The following BTBD3 variants were observed in gnomAD, a reference collection of about 807,000 sequenced individuals.
BTBD3 encodes the protein BTB/POZ domain-containing protein 3.
A neutral mutation model predicts 41.6 loss-of-function variants in BTBD3; 14 were observed. The ratio of observed to expected loss-of-function variants is 0.34; its 90% confidence interval spans 0.22 to 0.53. The LOEUF (loss-of-function observed/expected upper bound fraction) is 0.53. BTBD3 is among the 20% of genes least tolerant of loss of function. BTBD3 has a pLI of 0.95. For missense variants in BTBD3, 426 were observed against 654.7 expected, an observed-to-expected ratio of 0.65 and a Z score of 3.81; for synonymous variants, 249 against 233.7, an observed-to-expected ratio of 1.07 and a Z score of -0.60.
intron 1 of BTBD3, among the ~76,000 whole-genome samples, chr20:11,899,551 T>C (rs1421944058): frequency 6.6e-6 from 1 of 152,156 alleles, no homozygotes. Context: ...TCTTTTCTTT[T>C]CTTTTTTTTT....
chr20:11,897,405 G>T (rs567159926), intron 1 of BTBD3, among the ~76,000 whole-genome samples: 1 of 140,960 alleles, frequency 7.1e-6, no homozygotes, highest in African/African-American at 2.6e-5. Flanking sequence ...AAAAGTAATT[G>T]TGGTTTTTTG....
intron 1 of BTBD3, among the ~76,000 whole-genome samples, chr20:11,902,439 A>G (rs1275647967): frequency 6.6e-6 from 1 of 152,186 alleles, no homozygotes; most frequent in Non-Finnish European, 1.5e-5. Flanking sequence ...CACTTCTAGC[A>G]TCACTAATGG....
chr20:11,910,821 T>G (rs2056884709), intron 1 of BTBD3, among the ~76,000 whole-genome samples: 1 of 152,234 alleles, frequency 6.6e-6, no homozygotes, highest in South Asian at 2.1e-4. Context: ...GCTGGAACTC[T>G]TACCAGTCCT....
At chr20:11,892,806 A>C (rs2056763820) in intron 1 of BTBD3, among the ~76,000 whole-genome samples, 1 of 152,142 alleles carries the variant, frequency 6.6e-6, no homozygotes, top group South Asian at 2.1e-4. Flanking sequence ...CCTAAGTTAT[A>C]TCTTATATTT....
upstream of BTBD3, among the ~76,000 whole-genome samples, chr20:11,916,690 T>G (rs917793044): frequency 2.0e-5 from 3 of 152,222 alleles, no homozygotes; most frequent in Non-Finnish European, 4.4e-5. Context: ...TGCTGAGCCC[T>G]CACTGTGTCA....
chr20:11,923,748 T>A lies in BTBD3; in HGVS notation c.*82T>A. On this transcript the variant is annotated 3_prime_UTR_variant, in exon 4 of 4. Coordinates refer to ENST00000378226, the MANE Select transcript of BTBD3 (RefSeq NM_014962.4). The surrounding 1 kb of genome is among the most constrained non-coding windows in gnomAD (Gnocchi z 5.3). ...CTGATGCTTAGCTCATCTGCAAATA[T>A]GTGATCAGTGCCGGTAATTTGTAAT... 1 of 1,289,654 alleles carries A rather than the reference T, an allele frequency of 7.8e-7. No individual in the cohort carries two copies. The highest frequency in any genetic ancestry group is 1.1e-6 in the Non-Finnish European group (1 of 931,094). The allele number at this position is 1,289,654 out of a possible 1,614,324, so 79.9% of individuals were successfully genotyped here.
chr20:11,906,381 A>C (rs2056855140), intron 1 of BTBD3, among the ~76,000 whole-genome samples: 1 of 146,406 alleles, frequency 6.8e-6, no homozygotes, highest in African/African-American at 2.5e-5. Context: ...CTCCTGCCTC[A>C]GCCTCTCAAG....
In BTBD3 at chr20:11,924,746, T is replaced by C. The variant is rs1385435794; in HGVS notation, c.*1080T>C. The C allele has an allele frequency of 6.6e-6, 1 of 152,644 alleles. No homozygotes were observed. The highest frequency in any genetic ancestry group is 1.5e-5 in the Non-Finnish European group (1 of 68,038). The allele number at this position is 152,644 out of a possible 1,614,324, so 9.5% of individuals were successfully genotyped here. On this transcript the variant is annotated 3_prime_UTR_variant, in exon 4 of 4. Transcript: ENST00000378226. ...GAAATATACTTTACCTGATCCACTT[T>C]GATTGTATACTATATTCTTTGTTAA...
chr20:11,908,294 CTA>C (rs1223353197), intron 1 of BTBD3, among the ~76,000 whole-genome samples: 1 of 126,322 alleles, frequency 7.9e-6, no homozygotes, highest in African/African-American at 3.0e-5. Context: ...TCTCTGTTAA[CTA>C]TGGTGGAGTG....
At chr20:11,915,203 CATT>C (rs1568613647), upstream of BTBD3, among the ~76,000 whole-genome samples, 1 of 152,182 alleles carries the variant, frequency 6.6e-6, no homozygotes, top group African/African-American at 2.4e-5. Context: ...TCATCACTGT[CATT>C]ATCTTTTAAA....
chr20:11,897,628 C>T (rs954684904), intron 1 of BTBD3, among the ~76,000 whole-genome samples: 8 of 152,184 alleles, frequency 5.3e-5, no homozygotes, highest in East Asian at 3.9e-4. Flanking sequence ...TTTTCCCATC[C>T]GTACTACCAG....
chr20:11,901,958 A>T (rs1299590219), intron 1 of BTBD3, among the ~76,000 whole-genome samples: 1 of 152,208 alleles, frequency 6.6e-6, no homozygotes, highest in Non-Finnish European at 1.5e-5. Context: ...AAGAGTGAAG[A>T]TGGGAAGGTG....
At chr20:11,919,473 CTAT>C in intron 2 of BTBD3, 3 of 1,370,556 alleles carry the variant, frequency 2.2e-6, no homozygotes, top group East Asian at 2.5e-5. Context: ...GTTATGTAAG[CTAT>C]TATTGTATGT....
At chr20:11,905,702 A>G (rs2056849061) in intron 1 of BTBD3, among the ~76,000 whole-genome samples, 1 of 152,154 alleles carries the variant, frequency 6.6e-6, no homozygotes, top group Admixed American at 6.5e-5. Context: ...TGGCTTAGAA[A>G]CCAGCAGCAT....
intron 1 of BTBD3, among the ~76,000 whole-genome samples, chr20:11,905,098 C>T (rs912344669): frequency 2.0e-5 from 3 of 152,218 alleles, no homozygotes; most frequent in Non-Finnish European, 4.4e-5. Flanking sequence ...CTGTCAGGCT[C>T]ATGGTGGTGT....
intron 1 of BTBD3, among the ~76,000 whole-genome samples, chr20:11,893,627 A>T (rs1327594489): frequency 6.6e-6 from 1 of 152,212 alleles, no homozygotes; most frequent in African/African-American, 2.4e-5. Flanking sequence ...TCCTTTGTTT[A>T]TTCAAATTAA....
chr20:11,918,544 A>G lies in BTBD3; in HGVS notation c.269A>G (p.Asn90Ser). 1 of 1,613,984 alleles carries G rather than the reference A, an allele frequency of 6.2e-7. No individual in the cohort carries two copies. Among genetic ancestry groups the G allele is most frequent in the Non-Finnish European group, 8.5e-7 (1 of 1,179,958 alleles). The change falls in exon 1 of 4, where the codon AAC (asparagine) becomes AGC (serine). Residue 90 changes from asparagine (N) to serine (S), a missense_variant. Around this residue, in one of 3 missense-constraint regions of BTBD3, gnomAD observed 52 missense variants for 45.1 expected, o/e 1.15. Transcript: ENST00000378226. ...CAGTACCACCAGCAGAATCTCAGTA[A>G]CAACAACCTTATCCCGGCCCCAAAC... ...VQQYHQQNLS[N>S]NNLIPAPNWQ...
At position 11,896,008 on chromosome 20, in the gene BTBD3, GT is replaced by G. The variant is rs750983879; in HGVS notation, c.-126+5057del. 5.9e-5 allele frequency among the ~76,000 whole-genome samples: 9 copies of G among 152,286 alleles called. No individual in the cohort carries two copies. The South Asian group carries it at 1.0e-3, about 18-fold the overall frequency. On this transcript the variant is annotated intron_variant, in intron 1 of 4. Transcript: ENST00000254977. ...GATCTCTTACTGTCACTTAAGTGGGGTTTAGGGAAAGGGTGTAATTGGATAT... is the reference window on the plus strand; with the variant it reads ...GATCTCTTACTGTCACTTAAGTGGGGTTAGGGAAAGGGTGTAATTGGATAT...
rs1431459958 is a variant in BTBD3, at chr20:11,925,530, A to G, written c.*1864A>G. On this transcript the variant is annotated 3_prime_UTR_variant, in exon 4 of 4. Coordinates refer to ENST00000378226, the MANE Select transcript of BTBD3 (RefSeq NM_014962.4). ...ATTATAGATGAGTATTTCCAGGACA[A>G]CGTTCTAAAAGTACAATTATTTCTT... The G allele has an allele frequency of 6.5e-6, 1 of 152,680 alleles. No homozygotes were observed. The highest frequency in any genetic ancestry group is 1.5e-5 in the Non-Finnish European group (1 of 68,040). 9.5% of individuals were successfully genotyped at this position (152,680 alleles called of 1,614,324 possible).
Sources: gnomAD v4.1 joint callset for allele counts (sites outside exome capture counted in the v4.1 genomes callset) on GRCh38, gnomAD v4.1.1 for gene constraint, gnomAD v4.1.1 regional missense constraint, Gnocchi (gnomAD v3.1) non-coding constraint, MANE v1.5 for transcripts, NCBI Gene and HGNC (gene_info 2026-07-23, HGNC 2026-07-21) for gene names.